Variants in UROC1 observed in about 807,000 individuals in gnomAD.
UROC1 encodes the protein urocanate hydratase.
In UROC1, 79 loss-of-function variants were observed where a neutral mutation model predicts 89.5. The observed-to-expected ratio is 0.88, with a 90% confidence interval of 0.74 to 1.06. The LOEUF (loss-of-function observed/expected upper bound fraction) is 1.06, where lower values mean the gene tolerates loss of function less well. Among genes scored for constraint, UROC1 ranks in the 50% least tolerant of loss-of-function variants. UROC1 has a pLI of 0.00. For synonymous variants in UROC1, 361 were observed against 354.8 expected, an observed-to-expected ratio of 1.02 and a Z score of -0.20; for missense variants, 885 against 907.8, an observed-to-expected ratio of 0.97 and a Z score of 0.32.
intron 18 of UROC1, among the ~76,000 whole-genome samples, chr3:126,487,840 C>T (rs920640193): frequency 6.6e-5 from 10 of 152,210 alleles, no homozygotes; most frequent in Non-Finnish European, 1.3e-4. Context: ...AAGACCCTGG[C>T]CATGAAAGCG....
chr3:126,507,668 A>G (rs1936097462), intron 6 of UROC1, 74 bp downstream of exon 6: 2 of 1,448,294 alleles, frequency 1.4e-6, no homozygotes, highest in Non-Finnish European at 9.7e-7. Context: ...TGTATTTAAT[A>G]TCACCACTTT....
At chr3:126,517,168 C>T (rs1157985924) in intron 1 of UROC1, among the ~76,000 whole-genome samples, 1 of 152,190 alleles carries the variant, frequency 6.6e-6, no homozygotes, top group Non-Finnish European at 1.5e-5. Flanking sequence ...CTACAGGGTT[C>T]AGCCATGCAG....
At chr3:126,508,580 A>G (rs1936124048) in intron 3 of UROC1, 105 bp from the exon 4 acceptor site, 2 of 889,770 alleles carry the variant, frequency 2.2e-6, no homozygotes, top group South Asian at 1.4e-5. Context: ...CAATGGGACA[A>G]GGAGAGAAGC....
chr3:126,500,515 C>A (rs1935892467), intron 11 of UROC1, among the ~76,000 whole-genome samples, 180 bp downstream of exon 11: 1 of 152,224 alleles, frequency 6.6e-6, no homozygotes, highest in Non-Finnish European at 1.5e-5. Context: ...TGTCCCCCTG[C>A]ACTGCCGAGA....
intron 1 of UROC1, among the ~76,000 whole-genome samples, chr3:126,514,482 C>T (rs1409517972): frequency 6.6e-6 from 1 of 152,146 alleles, no homozygotes; most frequent in Non-Finnish European, 1.5e-5. Context: ...TCCTGATTAA[C>T]TTGGCAAAGA....
Position 126,506,822 on chromosome 3 carries a change from A to G in UROC1, c.603-811T>C, listed in dbSNP as rs530139807. Among the ~76,000 whole-genome samples, 15 of 152,322 alleles carry G rather than the reference A, an allele frequency of 9.8e-5. No homozygotes were observed. The South Asian group carries it at 3.1e-3, about 32-fold the overall frequency. On this transcript the variant is annotated intron_variant, in intron 6 of 19. Transcript: ENST00000290868. ...GCCGGCCACCGTGGCTCATGCCTGTAATCCCAACACTTTGGAAGGCAGAGG... is the reference window on the plus strand; with the variant it reads ...GCCGGCCACCGTGGCTCATGCCTGTGATCCCAACACTTTGGAAGGCAGAGG...
chr3:126,482,709 C>G (rs1935417694), intron 19 of UROC1, among the ~76,000 whole-genome samples: 1 of 152,134 alleles, frequency 6.6e-6, no homozygotes, highest in African/African-American at 2.4e-5. Context: ...GTCCTGCTCC[C>G]CCAGCTCCAA....
Position 126,482,201 on chromosome 3 carries a change from C to T in UROC1, c.*144G>A. On this transcript the variant is annotated 3_prime_UTR_variant, in exon 20 of 20. Transcript: ENST00000290868. ...TCTGTAAAATGAGGCTGTGGTGGCACCCTGCACAGGGCACCATAAGGGCCA... is the reference window on the plus strand; with the variant it reads ...TCTGTAAAATGAGGCTGTGGTGGCATCCTGCACAGGGCACCATAAGGGCCA... 3 of 1,240,056 alleles carry T rather than the reference C, an allele frequency of 2.4e-6. No individual in the cohort carries two copies. Among genetic ancestry groups the T allele is most frequent in the Middle Eastern group, 2.8e-4 (1 of 3,544 alleles). 76.8% of individuals were successfully genotyped at this position (1,240,056 alleles called of 1,614,324 possible). A position where few individuals can be genotyped will look rare whatever the true frequency, so the allele number is the denominator to read the frequency against.
At chr3:126,516,847 G>A (rs1936341092) in intron 1 of UROC1, among the ~76,000 whole-genome samples, 2 of 150,522 alleles carry the variant, frequency 1.3e-5, no homozygotes, top group Non-Finnish European at 3.0e-5. Flanking sequence ...ATCTTTACCT[G>A]GGGAGGTAGG....
Position 126,496,021 on chromosome 3 carries a change from C to A in UROC1, c.1509+17G>T. Reference sequence around the variant, plus strand: ...ACAGCACAGCCACCCCAGCCTCCCCCAGGCCTGGGCCCTCACCAGCCGGTG... The same window carrying A: ...ACAGCACAGCCACCCCAGCCTCCCCAAGGCCTGGGCCCTCACCAGCCGGTG... On this transcript the variant is annotated intron_variant, in intron 15 of 19. Coordinates refer to ENST00000290868, the MANE Select transcript of UROC1 (RefSeq NM_144639.3). 1 of 1,611,652 alleles carries A rather than the reference C, an allele frequency of 6.2e-7. No individual in the cohort carries two copies. The highest frequency in any genetic ancestry group is 8.5e-7 in the Non-Finnish European group (1 of 1,179,328).
chr3:126,500,181 C>A, intron 11 of UROC1, 27 bp from the exon 12 acceptor site: 3 of 1,610,892 alleles, frequency 1.9e-6, no homozygotes, highest in Non-Finnish European at 2.5e-6. Context: ...GTCAGCACCA[C>A]CGCTGTGAGG....
At chr3:126,507,103 T>C (rs1936079183) in intron 6 of UROC1, among the ~76,000 whole-genome samples, 1 of 152,112 alleles carries the variant, frequency 6.6e-6, no homozygotes, top group Admixed American at 6.5e-5. Flanking sequence ...AAAGAAATAG[T>C]TTGCATTACC....
At position 126,482,283 on chromosome 3, in the gene UROC1, T is replaced by C. The variant is rs1935405711; in HGVS notation, c.*62A>G. ...GGGTGTGCAGGAAGGGTGTGTGCCA[T>C]GGCTGGGCAGGTGAGGATCGCCAGG... On this transcript the variant is annotated 3_prime_UTR_variant, in exon 20 of 20. Transcript: ENST00000290868. 6 of 1,604,298 alleles carry C rather than the reference T, an allele frequency of 3.7e-6. No individual in the cohort carries two copies. The highest frequency in any genetic ancestry group is 5.1e-6 in the Non-Finnish European group (6 of 1,174,808).
chr3:126,517,528 C>A, intron 1 of UROC1, 66 bp downstream of exon 1: 1 of 1,610,454 alleles, frequency 6.2e-7, no homozygotes, highest in African/African-American at 1.3e-5. Context: ...AGCCTGGGTG[C>A]TCACTATGGA....
intron 16 of UROC1, among the ~76,000 whole-genome samples, chr3:126,490,614 G>A (rs975451106): frequency 6.6e-5 from 10 of 152,106 alleles, no homozygotes; most frequent in Admixed American, 1.3e-4. Flanking sequence ...TAATCTGGGG[G>A]GTGGAGGTTG....
Position 126,498,127 on chromosome 3 carries a change from T to A in UROC1, c.1362A>T (p.Thr454=), listed in dbSNP as rs1935826792. ...QGFGPFRWVC[T]SGDPQDLAVT... is the part of the protein sequence containing the mutation. ...CCGCCAGGTCCTGGGGGTCCCCCGATGTGCACACCCAGCGGAAAGGCCCAA... is the reference window on the plus strand; with the variant it reads ...CCGCCAGGTCCTGGGGGTCCCCCGAAGTGCACACCCAGCGGAAAGGCCCAA... Residue 454 remains threonine, a synonymous_variant, in exon 14 of 20, where the codon ACA becomes ACT. Transcript: ENST00000290868. 1 of 1,614,052 alleles carries A rather than the reference T, an allele frequency of 6.2e-7. No individual in the cohort carries two copies. The highest frequency in any genetic ancestry group is 1.3e-5 in the African/African-American group (1 of 74,930).
In UROC1 at chr3:126,511,399, G is replaced by A. The variant is rs566125061; in HGVS notation, c.127-605C>T. The stretch of plus-strand genomic sequence containing the variant: ...TTCATTTCACTTTCAAGTCAATACT[G>A]CTGCACCTCCTAAACTGATTTCACA... On this transcript the variant is annotated intron_variant, in intron 1 of 19. Coordinates refer to ENST00000290868, the MANE Select transcript of UROC1 (RefSeq NM_144639.3). Among the ~76,000 whole-genome samples, 7 of 152,228 alleles carry A rather than the reference G, an allele frequency of 4.6e-5. No homozygotes were observed. The East Asian group carries it at 1.4e-3, about 29-fold the overall frequency.
At chr3:126,485,515 C>T (rs2107532328) in intron 18 of UROC1, among the ~76,000 whole-genome samples, 1 of 152,172 alleles carries the variant, frequency 6.6e-6, no homozygotes, top group East Asian at 1.9e-4. Flanking sequence ...AGAGGATCAG[C>T]GTCACCAGGA....
intron 8 of UROC1, among the ~76,000 whole-genome samples, chr3:126,504,350 T>G (rs1171312958): frequency 2.6e-5 from 4 of 152,194 alleles, no homozygotes; most frequent in African/African-American, 9.6e-5. Flanking sequence ...CAAGGACTTG[T>G]CCACGATCTC....
Sources: allele counts gnomAD v4.1 joint callset (sites outside exome capture counted in the v4.1 genomes callset), GRCh38; gene constraint gnomAD v4.1.1; transcripts MANE v1.5; gene names NCBI Gene and HGNC (gene_info 2026-07-23, HGNC 2026-07-21).